EXOC4: variants seen among roughly 807,000 people sequenced by gnomAD.
EXOC4 encodes the protein SEC8-like 1.
In EXOC4, 71 loss-of-function variants were observed where a neutral mutation model predicts 107.2. The ratio of observed to expected loss-of-function variants is 0.66; its 90% CI spans 0.55 to 0.81. The LOEUF is 0.81. EXOC4 is among the 30% of genes least tolerant of loss of function. EXOC4 has a pLI of 0.00. For synonymous variants in EXOC4, 456 were observed against 441.2 expected, an observed-to-expected ratio of 1.03 and a Z score of -0.42; for missense variants, 1,108 against 1,189.6, an observed-to-expected ratio of 0.93 and a Z score of 1.01.
At position 133,749,955 on chromosome 7, in the gene EXOC4, G is replaced by GTTTTT. The variant is rs56902982; in HGVS notation, c.1515-67344_1515-67340dup. On this transcript the variant is annotated intron_variant, in intron 10 of 17. Coordinates refer to ENST00000253861, the MANE Select transcript of EXOC4 (RefSeq NM_021807.4). The stretch of plus-strand genomic sequence containing the variant: ...TTGGGCTTCCTAAAGGTGGTTGGCA[G>GTTTTT]TTTTTTTTTTTTTTTTTTTTTTTTT... Among the ~76,000 whole-genome samples the GTTTTT allele has an allele frequency of 3.2e-4, 20 of 62,108 alleles. 1 individual carries two copies. Among genetic ancestry groups the GTTTTT allele is most frequent in the African/African-American group, 8.9e-4 (14 of 15,752 alleles). The allele number at this position is 62,108 out of a possible 152,430, so 40.7% of individuals were successfully genotyped here.
intron 13 of EXOC4, among the ~76,000 whole-genome samples, chr7:133,930,973 A>G (rs969954683): frequency 1.3e-5 from 2 of 148,518 alleles, no homozygotes; most frequent in Non-Finnish European, 3.0e-5. Flanking sequence ...TCTAGTTTAC[A>G]TTTATGGCAT....
At chr7:133,412,484 C>T (rs1362558184) in intron 7 of EXOC4, among the ~76,000 whole-genome samples, 3 of 151,610 alleles carry the variant, frequency 2.0e-5, no homozygotes, top group African/African-American at 7.3e-5. Context: ...TGTTTTTCTT[C>T]AGCATTTGTC....
chr7:133,560,238 GCTTT>G (rs1423568793), intron 9 of EXOC4, among the ~76,000 whole-genome samples: 2 of 151,942 alleles, frequency 1.3e-5, no homozygotes, highest in Admixed American at 1.3e-4. Flanking sequence ...TGAATTTATA[GCTTT>G]CTAAGTGGAA....
At chr7:133,755,851 A>G (rs1476945032) in intron 10 of EXOC4, among the ~76,000 whole-genome samples, 1 of 152,068 alleles carries the variant, frequency 6.6e-6, no homozygotes, top group Non-Finnish European at 1.5e-5. Flanking sequence ...TCAAGGTGTA[A>G]TCTTTGATCT....
intron 10 of EXOC4, among the ~76,000 whole-genome samples, chr7:133,774,348 A>G (rs1035824560): frequency 6.6e-6 from 1 of 152,140 alleles, no homozygotes; most frequent in African/African-American, 2.4e-5. Flanking sequence ...AAAGGTTTAA[A>G]GATGCCCCAG....
chr7:133,312,609 G>C (rs1354219965), intron 4 of EXOC4, among the ~76,000 whole-genome samples: 1 of 152,076 alleles, frequency 6.6e-6, no homozygotes, highest in Non-Finnish European at 1.5e-5. Context: ...CTAGAATTCA[G>C]ATCTATGCAG....
In EXOC4 at chr7:133,339,964, G is replaced by C. The variant is rs60417846; in HGVS notation, c.764-16366G>C. ...ATCATATCATTGGTGAACACGGACA[G>C]TTTCACTTCCTCTTTACTAATTTGG... On this transcript the variant is annotated intron_variant, in intron 5 of 17. Transcript: ENST00000253861. Among the ~76,000 whole-genome samples the C allele has an allele frequency of 8.4e-4, 128 of 152,282 alleles. No individual in the cohort carries two copies. In the Middle Eastern group the frequency reaches 0.014, roughly 16 times the overall value.
chr7:133,823,864 TATATATA>T (rs1797605114), intron 11 of EXOC4, among the ~76,000 whole-genome samples: 3 of 24,758 alleles, frequency 1.2e-4, no homozygotes, highest in Non-Finnish European at 2.0e-4. Flanking sequence ...TATATATATA[TATATATA>T]TTATATATAT....
At chr7:133,953,480 A>C (rs1800741155) in intron 14 of EXOC4, among the ~76,000 whole-genome samples, 1 of 135,628 alleles carries the variant, frequency 7.4e-6, no homozygotes, top group Non-Finnish European at 1.7e-5. Context: ...CCCCATTTGT[A>C]CAAAAAAAAA....
At chr7:133,700,041 CA>C (rs1244422982) in intron 10 of EXOC4, among the ~76,000 whole-genome samples, 1 of 152,034 alleles carries the variant, frequency 6.6e-6, no homozygotes, top group Non-Finnish European at 1.5e-5. Flanking sequence ...ATATGCTTTT[CA>C]AAAAAACCTG....
intron 9 of EXOC4, among the ~76,000 whole-genome samples, chr7:133,617,106 A>G (rs977413845): frequency 6.6e-6 from 1 of 152,172 alleles, no homozygotes; most frequent in African/African-American, 2.4e-5. Context: ...ATTGTATTAT[A>G]TATCATTATA....
downstream of EXOC4, among the ~76,000 whole-genome samples, chr7:134,070,122 C>T (rs1326102727): frequency 1.3e-5 from 2 of 152,174 alleles, no homozygotes; most frequent in Non-Finnish European, 2.9e-5. Context: ...GAATGTAAAA[C>T]AAATTGGACA....
At chr7:133,285,885 GA>G (rs1794264925) in intron 2 of EXOC4, among the ~76,000 whole-genome samples, 1 of 151,562 alleles carries the variant, frequency 6.6e-6, no homozygotes, top group South Asian at 2.1e-4. Context: ...TCAGCCTCTT[GA>G]ATAGTTGGGA....
chr7:133,308,984 A>G (rs1794811855), intron 4 of EXOC4, among the ~76,000 whole-genome samples: 1 of 152,178 alleles, frequency 6.6e-6, no homozygotes, highest in African/African-American at 2.4e-5. Context: ...TGGGGAGGTC[A>G]TTAATTTTTT....
intron 9 of EXOC4, among the ~76,000 whole-genome samples, chr7:133,486,489 G>T (rs1180578827): frequency 3.3e-5 from 5 of 152,020 alleles, no homozygotes; most frequent in Admixed American, 2.6e-4. Context: ...ACATATATTT[G>T]TTCTGCAGCC....
At chr7:133,523,475 G>T (rs1403277914) in intron 9 of EXOC4, among the ~76,000 whole-genome samples, 1 of 150,040 alleles carries the variant, frequency 6.7e-6, no homozygotes, top group Non-Finnish European at 1.5e-5. Context: ...AAGTTTTAGG[G>T]TACATGTGCA....
intron 7 of EXOC4, among the ~76,000 whole-genome samples, chr7:133,377,155 C>T (rs886341483): frequency 6.6e-6 from 1 of 152,022 alleles, no homozygotes; most frequent in Non-Finnish European, 1.5e-5. Context: ...AGTTCAAGAC[C>T]AGCCTGACCA....
chr7:133,392,875 A>T (rs1453034026), intron 7 of EXOC4, among the ~76,000 whole-genome samples: 2 of 152,224 alleles, frequency 1.3e-5, no homozygotes, highest in African/African-American at 4.8e-5. Context: ...TTGTTATCCA[A>T]TCTTAGTCTA....
At chr7:134,074,791 A>C in the EXOC4 span, among the ~76,000 whole-genome samples, 1 of 152,230 alleles carries the variant, frequency 6.6e-6, no homozygotes, top group African/African-American at 2.4e-5. Context: ...ACACGAATCC[A>C]CTATGGAGTA....
Sources: gnomAD v4.1 joint callset for allele counts (sites outside exome capture counted in the v4.1 genomes callset) on GRCh38, gnomAD v4.1.1 for gene constraint, MANE v1.5 for transcripts, NCBI Gene and HGNC (gene_info 2026-07-23, HGNC 2026-07-21) for gene names.